Variants in NKAIN1 observed in about 807,000 individuals in gnomAD.
The protein encoded by NKAIN1 is sodium/potassium transporting ATPase interacting 1, also known as sodium/potassium-transporting ATPase subunit beta-1-interacting protein 1.
NKAIN1 carries 13 observed loss-of-function variants against 31.6 expected under a neutral mutation model. The observed-to-expected ratio is 0.41, with a 90% CI of 0.27 to 0.65. The LOEUF is 0.65. Among genes scored for constraint, NKAIN1 ranks in the 30% least tolerant of loss-of-function variants. The pLI, the probability that NKAIN1 is intolerant of heterozygous loss-of-function variation, is 0.30. For missense variants in NKAIN1, 193 were observed against 262.2 expected (o/e 0.74, Z 1.82); for synonymous variants, 104 against 109.0 (o/e 0.95, Z 0.28).
chr1:31,226,151 T>C (rs928178895), intron 1 of NKAIN1, among the ~76,000 whole-genome samples: 1 of 152,250 alleles, frequency 6.6e-6, no homozygotes, highest in Non-Finnish European at 1.5e-5. Context: ...GTCGCCTTCA[T>C]TACAGATGAA....
intron 2 of NKAIN1, among the ~76,000 whole-genome samples, chr1:31,187,694 T>C (rs1645254528): frequency 6.6e-6 from 1 of 152,062 alleles, no homozygotes; most frequent in African/African-American, 2.4e-5. Flanking sequence ...TGAGCTTCAG[T>C]TTCCTCATCT....
At chr1:31,188,423 A>G (rs1267103861) in intron 1 of NKAIN1, 19 of 491,334 alleles carry the variant, frequency 3.9e-5, no homozygotes, top group Non-Finnish European at 2.2e-5. Flanking sequence ...CCTCCCTGCC[A>G]AGGAGGCCCT....
chr1:31,186,403 T>C (rs1289483476), intron 2 of NKAIN1, among the ~76,000 whole-genome samples: 1 of 148,700 alleles, frequency 6.7e-6, no homozygotes, highest in Admixed American at 6.6e-5. Context: ...TGTTTTTTTT[T>C]TTTTTTTTTT....
At chr1:31,226,523 C>CT (rs35709945) in intron 1 of NKAIN1, among the ~76,000 whole-genome samples, 1,410 of 132,126 alleles carry the variant, frequency 0.011, 9 homozygotes, top group Middle Eastern at 0.031. Flanking sequence ...TGAAGAAAAT[C>CT]TTTTTTTTTT....
chr1:31,224,709 G>A (rs1356875116), intron 1 of NKAIN1, among the ~76,000 whole-genome samples: 1 of 152,248 alleles, frequency 6.6e-6, no homozygotes, highest in Admixed American at 6.5e-5. Context: ...GCCAGTGAGT[G>A]GCAGAGAAGG....
At chr1:31,227,789 G>A (rs1019788893) in intron 1 of NKAIN1, among the ~76,000 whole-genome samples, 5 of 152,064 alleles carry the variant, frequency 3.3e-5, no homozygotes, top group African/African-American at 1.2e-4. Flanking sequence ...TCATGGCCCC[G>A]GGCCATCCTG....
Position 31,233,969 on chromosome 1 carries a change from G to A in NKAIN1, c.54+5525C>T, listed in dbSNP as rs535586395. Among the ~76,000 whole-genome samples the A allele has an allele frequency of 6.6e-6, 1 of 152,354 alleles. No homozygotes were observed. Among genetic ancestry groups the A allele is most frequent in the East Asian group, 1.9e-4 (1 of 5,188 alleles). On this transcript the variant is annotated intron_variant, in intron 1 of 6. Transcript: ENST00000373736. This position sits in a 1 kb window ranked among gnomAD's most constrained non-coding sequence, Gnocchi z 4.0. ...CCTAGCCCCTGTGCCAGATCTCAGC[G>A]AAGCTGCCATTTATGGGCTGCTTAT...
chr1:31,212,145 C>CCATA (rs913093508), intron 1 of NKAIN1, among the ~76,000 whole-genome samples: 2 of 152,078 alleles, frequency 1.3e-5, no homozygotes, highest in African/African-American at 4.8e-5. Flanking sequence ...CAAACCAAAT[C>CCATA]CATACATCTA....
chr1:31,192,451 T>C (rs960182034), intron 1 of NKAIN1, among the ~76,000 whole-genome samples: 1 of 151,976 alleles, frequency 6.6e-6, no homozygotes, highest in Non-Finnish European at 1.5e-5. Flanking sequence ...ACCCACTTAG[T>C]AGAGGAGGGG....
intron 1 of NKAIN1, among the ~76,000 whole-genome samples, chr1:31,199,961 G>C (rs1645364116): frequency 6.6e-6 from 1 of 152,024 alleles, no homozygotes; most frequent in Non-Finnish European, 1.5e-5. Context: ...TGTGCCTAGG[G>C]ACCTGTGAAG....
chr1:31,199,890 C>G (rs778471405), intron 1 of NKAIN1, among the ~76,000 whole-genome samples: 2 of 152,098 alleles, frequency 1.3e-5, no homozygotes, highest in Non-Finnish European at 2.9e-5. Context: ...AGACAGAGAC[C>G]ACTGTCCTCT....
chr1:31,215,604 C>G (rs539861272), intron 1 of NKAIN1, among the ~76,000 whole-genome samples: 1 of 152,094 alleles, frequency 6.6e-6, no homozygotes, highest in Non-Finnish European at 1.5e-5. Context: ...TCCTGCAGCA[C>G]GAAGGAATAA....
chr1:31,198,432 C>T (rs986995452), intron 1 of NKAIN1, among the ~76,000 whole-genome samples: 15 of 152,124 alleles, frequency 9.9e-5, no homozygotes, highest in African/African-American at 3.6e-4. Context: ...TTGGGCCCCA[C>T]GATGTGTCCA....
intron 1 of NKAIN1, among the ~76,000 whole-genome samples, chr1:31,219,621 C>T (rs1645546615): frequency 6.6e-6 from 1 of 152,260 alleles, no homozygotes; most frequent in Admixed American, 6.5e-5. Flanking sequence ...CGGTACCGCC[C>T]AGGTCCCCTG....
Position 31,239,827 on chromosome 1 carries a change from T to C in NKAIN1, c.-280A>G, listed in dbSNP as rs1215640870. ...GGCGCGCCTCCTGCCCCGGGGCGGCTGGCGGGGAGCGCGGAGCAAGGAGAG... is the reference window on the plus strand; with the variant it reads ...GGCGCGCCTCCTGCCCCGGGGCGGCCGGCGGGGAGCGCGGAGCAAGGAGAG... On this transcript the variant is annotated 5_prime_UTR_variant, in exon 1 of 7. Transcript: ENST00000373736. The surrounding 1 kb of genome is among the most constrained non-coding windows in gnomAD (Gnocchi z 4.8). Among the ~76,000 whole-genome samples, 1 of 151,790 alleles carries C rather than the reference T, an allele frequency of 6.6e-6. No individual in the cohort carries two copies. Among genetic ancestry groups the C allele is most frequent in the African/African-American group, 2.4e-5 (1 of 41,378 alleles).
rs564409818 is a variant in NKAIN1, at chr1:31,209,640, A to T, written c.55-21453T>A. On this transcript the variant is annotated intron_variant, in intron 1 of 6. Transcript: ENST00000373736. ...AGACCAGCCTGGGCAACATAGTAAG[A>T]CCCCTGTCTCTACAAAAAATAAAAA... 2.0e-5 allele frequency among the ~76,000 whole-genome samples: 3 copies of T among 151,654 alleles called. No individual in the cohort carries two copies. In the East Asian group the frequency reaches 5.8e-4, roughly 29 times the overall value.
intron 2 of NKAIN1, 55 bp downstream of exon 2, chr1:31,187,995 A>G (rs1645257799): frequency 6.6e-7 from 1 of 1,515,066 alleles, no homozygotes. Context: ...GGAGGGGTGG[A>G]GTGGGCAGGG....
chr1:31,182,438 C>T (rs1361091417), intron 5 of NKAIN1, 92 bp downstream of exon 5: 4 of 1,449,564 alleles, frequency 2.8e-6, no homozygotes, highest in Non-Finnish European at 3.8e-6. Context: ...CGACCCTGGG[C>T]TCCCTCCCGC....
intron 1 of NKAIN1, among the ~76,000 whole-genome samples, chr1:31,211,718 G>A (rs375747852): frequency 1.1e-4 from 16 of 152,046 alleles, no homozygotes; most frequent in African/African-American, 2.9e-4. Flanking sequence ...GGAGGCCAAG[G>A]GGGGTGGATT....
Sources: allele counts gnomAD v4.1 joint callset (sites outside exome capture counted in the v4.1 genomes callset), GRCh38; gene constraint gnomAD v4.1.1; non-coding constraint Gnocchi (gnomAD v3.1); transcripts MANE v1.5; gene names NCBI Gene and HGNC (gene_info 2026-07-23, HGNC 2026-07-21).